NPSR1: variants seen among roughly 807,000 people sequenced by gnomAD.
NPSR1 encodes neuropeptide S receptor 1, also known as neuropeptide S receptor.
NPSR1 carries 48 observed loss-of-function variants against 46.9 expected under a neutral mutation model. The ratio of observed to expected loss-of-function variants is 1.02; its 90% CI spans 0.81 to 1.30. The LOEUF (loss-of-function observed/expected upper bound fraction) is 1.30. Ranked by LOEUF, NPSR1 falls within the 50% of genes most tolerant of loss-of-function variation. The pLI, the probability that NPSR1 is intolerant of heterozygous loss-of-function variation, is 0.00. For missense variants in NPSR1, 450 were observed against 449.5 expected (o/e 1.00, Z -0.01); for synonymous variants, 176 against 168.1 (o/e 1.05, Z -0.36).
chr7:34,668,989 T>C (rs1032178004), intron 1 of NPSR1, among the ~76,000 whole-genome samples: 6 of 152,186 alleles, frequency 3.9e-5, no homozygotes, highest in Non-Finnish European at 7.4e-5. Context: ...CTCTTTGATT[T>C]AGAGAGAAGA....
At chr7:34,711,913 T>C (rs892589725) in intron 2 of NPSR1, among the ~76,000 whole-genome samples, 4 of 152,252 alleles carry the variant, frequency 2.6e-5, no homozygotes, top group African/African-American at 9.6e-5. Flanking sequence ...TTGCCAAGGT[T>C]TGCAAAAGAT....
At chr7:34,825,368 A>T (rs1275859774) in intron 4 of NPSR1, among the ~76,000 whole-genome samples, 1 of 152,208 alleles carries the variant, frequency 6.6e-6, no homozygotes, top group African/African-American at 2.4e-5. Context: ...TGTCTACATA[A>T]ACTAAGTCTA....
downstream of NPSR1, among the ~76,000 whole-genome samples, chr7:34,853,769 A>G (rs1454576220): frequency 6.6e-6 from 1 of 152,138 alleles, no homozygotes; most frequent in Admixed American, 6.5e-5. Context: ...GTTCGAGACC[A>G]TCCCAGTCAA....
At chr7:34,823,400 A>G (rs1482034463) in intron 4 of NPSR1, among the ~76,000 whole-genome samples, 1 of 66,304 alleles carries the variant, frequency 1.5e-5, no homozygotes, top group South Asian at 6.6e-4. Context: ...ACTTCACCAG[A>G]AAAAAAAAAA....
intron 2 of NPSR1, chr7:34,723,185 C>T (rs908165410): frequency 1.3e-5 from 2 of 152,582 alleles, no homozygotes; most frequent in African/African-American, 4.8e-5. Flanking sequence ...TTATGTGCCT[C>T]ATTTACTCAT....
chr7:34,878,326 G>A (rs530257615), exon 9 of NPSR1: 2 of 497,668 alleles, frequency 4.0e-6, no homozygotes, highest in East Asian at 3.3e-5. Flanking sequence ...GCTATAAGAA[G>A]GCAGACTTCT....
chr7:34,757,529 G>C (rs770735853), intron 2 of NPSR1, among the ~76,000 whole-genome samples: 2 of 152,178 alleles, frequency 1.3e-5, no homozygotes, highest in East Asian at 1.9e-4. Flanking sequence ...CCACCAGAAA[G>C]ATGAGGCCAA....
intron 2 of NPSR1, among the ~76,000 whole-genome samples, chr7:34,772,236 C>T (rs896684009): frequency 6.6e-6 from 1 of 152,172 alleles, no homozygotes; most frequent in Non-Finnish European, 1.5e-5. Context: ...AAGCAATTAA[C>T]CAAATGACAG....
rs62464180 is a variant in NPSR1 at position 34,870,603 on chromosome 7, C to T, written c.1026-7473C>T. Among the ~76,000 whole-genome samples the T allele has an allele frequency of 6.8e-3, 1,037 of 151,810 alleles. 9 individuals are homozygous for T. The highest frequency in any genetic ancestry group is 0.011 in the Non-Finnish European group (778 of 68,018). On this transcript the variant is annotated intron_variant, in intron 8 of 8. Coordinates refer to the NPSR1 transcript ENST00000359791. ...GACTGGTGAATGTTAAGAAAAATGG[C>T]TGAGTTCTATAACTGAGTTAATGGG...
At chr7:34,877,641 C>T (rs981938207) in intron 8 of NPSR1, among the ~76,000 whole-genome samples, 2 of 152,128 alleles carry the variant, frequency 1.3e-5, no homozygotes, top group African/African-American at 2.4e-5. Context: ...GGCTGAGAGG[C>T]GGCCGTCAGG....
intron 8 of NPSR1, among the ~76,000 whole-genome samples, chr7:34,872,898 T>C (rs1265486420): frequency 6.6e-6 from 1 of 151,892 alleles, no homozygotes. Context: ...CAAATTTTTA[T>C]GCTGTGCTTC....
At chr7:34,829,027 A>G (rs1313017609) in intron 5 of NPSR1, among the ~76,000 whole-genome samples, 1 of 152,208 alleles carries the variant, frequency 6.6e-6, no homozygotes, top group Non-Finnish European at 1.5e-5. Flanking sequence ...TTAATTACTA[A>G]GCTGGTGGCA....
chr7:34,696,679 G>A (rs1404245613), intron 2 of NPSR1, among the ~76,000 whole-genome samples: 1 of 151,726 alleles, frequency 6.6e-6, no homozygotes, highest in Non-Finnish European at 1.5e-5. Context: ...AAAAAGAAAG[G>A]ACAAAAAATA....
chr7:34,789,335 G>A (rs1325150524), intron 3 of NPSR1, among the ~76,000 whole-genome samples: 1 of 151,816 alleles, frequency 6.6e-6, no homozygotes, highest in Non-Finnish European at 1.5e-5. Context: ...AAAAACAATA[G>A]AAAAGATCAA....
intron 2 of NPSR1, among the ~76,000 whole-genome samples, chr7:34,734,504 A>G (rs1159272123): frequency 6.6e-6 from 1 of 152,178 alleles, no homozygotes; most frequent in East Asian, 1.9e-4. Flanking sequence ...GAAAAAAAAC[A>G]CTAAGGTATA....
At chr7:34,747,129 C>CA (rs5883471) in intron 2 of NPSR1, among the ~76,000 whole-genome samples, 34,529 of 106,964 alleles carry the variant, frequency 0.32, 4,929 homozygotes, top group East Asian at 0.45. Flanking sequence ...ACCAAAAAAA[C>CA]AAAAAAAAAA....
chr7:34,751,204 T>C (rs1011904623), intron 2 of NPSR1: 4 of 1,115,700 alleles, frequency 3.6e-6, no homozygotes, highest in East Asian at 2.4e-5. Flanking sequence ...ATTGGGAAAG[T>C]GGATGGCCAG....
chr7:34,664,254 C>T (rs1422724598), intron 1 of NPSR1, among the ~76,000 whole-genome samples: 2 of 152,174 alleles, frequency 1.3e-5, no homozygotes, highest in African/African-American at 4.8e-5. Flanking sequence ...AGCAGAGTGA[C>T]TTTGGGCACT....
intron 3 of NPSR1, among the ~76,000 whole-genome samples, chr7:34,787,639 A>G (rs892958172): frequency 2.0e-5 from 3 of 152,104 alleles, no homozygotes; most frequent in Admixed American, 1.3e-4. Context: ...GACTCTTCCT[A>G]TCACTTGAAC....
Sources: allele counts gnomAD v4.1 joint callset (sites outside exome capture counted in the v4.1 genomes callset), GRCh38; gene constraint gnomAD v4.1.1; transcripts MANE v1.5; gene names NCBI Gene and HGNC (gene_info 2026-07-23, HGNC 2026-07-21).